ASPH: variants seen among roughly 807,000 people sequenced by gnomAD.
ASPH encodes aspartyl/asparaginyl beta-hydroxylase.
A neutral mutation model predicts 118.4 loss-of-function variants in ASPH; 100 were observed. The observed-to-expected ratio is 0.84, with a 90% CI of 0.72 to 1.00. The LOEUF (loss-of-function observed/expected upper bound fraction) is 1.00, where lower values mean the gene tolerates loss of function less well. ASPH is among the 50% of genes least tolerant of loss of function. ASPH has a pLI of 0.00. For synonymous variants in ASPH, 315 were observed against 325.6 expected, an observed-to-expected ratio of 0.97 and a Z score of 0.35; for missense variants, 920 against 919.5, an observed-to-expected ratio of 1.00 and a Z score of -0.01.
intron 13 of ASPH, chr8:61,631,869 G>T (rs10755945): frequency 0.83 from 126,809 of 152,634 alleles, 52,813 homozygotes; most frequent in African/African-American, 0.86. Context: ...GGTCATGCTC[G>T]TCAACTGAGC....
At chr8:61,654,362 G>C (rs1812579316) in intron 3 of ASPH, among the ~76,000 whole-genome samples, 1 of 152,096 alleles carries the variant, frequency 6.6e-6, no homozygotes, top group Non-Finnish European at 1.5e-5. Flanking sequence ...CATTAAAATA[G>C]GTCCTCAATT....
intron 12 of ASPH, among the ~76,000 whole-genome samples, chr8:61,634,966 C>T (rs1857109953): frequency 6.6e-6 from 1 of 152,156 alleles, no homozygotes; most frequent in African/African-American, 2.4e-5. Flanking sequence ...GATGTAATAA[C>T]ATGATTTCTA....
At chr8:61,531,044 C>T (rs941500542) in intron 21 of ASPH, among the ~76,000 whole-genome samples, 1 of 152,180 alleles carries the variant, frequency 6.6e-6, no homozygotes, top group Non-Finnish European at 1.5e-5. Flanking sequence ...AATCAGGTAT[C>T]ATTCATACTT....
At chr8:61,556,050 A>G (rs957464912) in intron 18 of ASPH, 28 bp from the exon 19 acceptor site, 5 of 1,596,430 alleles carry the variant, frequency 3.1e-6, no homozygotes, top group Non-Finnish European at 4.3e-6. Flanking sequence ...ACAGAACATA[A>G]CTCAAAGAAA....
chr8:61,699,153 T>C (rs1253170937), intron 1 of ASPH, among the ~76,000 whole-genome samples: 1 of 152,246 alleles, frequency 6.6e-6, no homozygotes, highest in Non-Finnish European at 1.5e-5. Context: ...TTGTGAGAAC[T>C]ATTCCTTCAG....
intron 13 of ASPH, 96 bp downstream of exon 13, chr8:61,633,587 T>G: frequency 8.9e-7 from 1 of 1,123,718 alleles, no homozygotes; most frequent in South Asian, 1.7e-5. Flanking sequence ...TCTCAAAATT[T>G]TTATCCTTCG....
At chr8:61,659,997 ATAACTT>A (rs949205454) in intron 3 of ASPH, 2 of 151,526 alleles carry the variant, frequency 1.3e-5, no homozygotes, top group Non-Finnish European at 2.9e-5. Flanking sequence ...ATTTTTAAAT[ATAACTT>A]CAACTTCTAT....
intron 21 of ASPH, among the ~76,000 whole-genome samples, chr8:61,529,596 A>G (rs1202473148): frequency 6.6e-6 from 1 of 152,256 alleles, no homozygotes; most frequent in Non-Finnish European, 1.5e-5. Flanking sequence ...GAATCACGTA[A>G]TATAATATTC....
At chr8:61,706,487 AAAG>A (rs1465879962) in intron 1 of ASPH, among the ~76,000 whole-genome samples, 2 of 150,988 alleles carry the variant, frequency 1.3e-5, no homozygotes, top group South Asian at 4.2e-4. Flanking sequence ...AAGAAAGAAG[AAAG>A]AAGAAAAAAG....
At chr8:61,532,841 T>C (rs898564913) in intron 21 of ASPH, among the ~76,000 whole-genome samples, 1 of 152,206 alleles carries the variant, frequency 6.6e-6, no homozygotes, top group African/African-American at 2.4e-5. Flanking sequence ...AAATTACTTA[T>C]CTCTGTGCCT....
chr8:61,684,163 A>T lies in ASPH; in HGVS notation c.129T>A (p.Asn43Lys). The change falls in exon 2 of 25, where the codon AAT (asparagine) becomes AAA (lysine). Residue 43 changes from asparagine to lysine, a missense_variant. Coordinates refer to ENST00000379454, the MANE Select transcript of ASPH (RefSeq NM_004318.4). ...TTCCTGAGAGTCCGCCTTTCCTCCC[A>T]TTCTTGTGTCCTCCATGCTTTGTCT... ...RRETKHGGHK[N>K]GRKGGLSGTS... The T allele has an allele frequency of 6.2e-7, 1 of 1,613,290 alleles. No individual in the cohort carries two copies. Among genetic ancestry groups the T allele is most frequent in the Non-Finnish European group, 8.5e-7 (1 of 1,179,546 alleles).
At chr8:61,614,645 TTTGTTGTTG>T (rs565000530) in intron 14 of ASPH, among the ~76,000 whole-genome samples, 5 of 151,778 alleles carry the variant, frequency 3.3e-5, no homozygotes, top group South Asian at 2.1e-4. Flanking sequence ...GTGTTGGGTT[TTTGTTGTTG>T]TTGTTGTTGT....
At chr8:61,505,848 T>TA (rs1273380304) in intron 24 of ASPH, among the ~76,000 whole-genome samples, 1 of 152,092 alleles carries the variant, frequency 6.6e-6, no homozygotes, top group Non-Finnish European at 1.5e-5. Flanking sequence ...GGCGGGGAAA[T>TA]ACGCTGACAA....
Position 61,500,930 on chromosome 8 carries a change from A to C in ASPH, c.*2429T>G, listed in dbSNP as rs1804775637. 2 of 152,136 alleles carry C rather than the reference A, an allele frequency of 1.3e-5. No individual in the cohort carries two copies. Among genetic ancestry groups the C allele is most frequent in the Admixed American group, 6.5e-5 (1 of 15,270 alleles). The allele number at this position is 152,136 out of a possible 1,614,324, so 9.4% of individuals were successfully genotyped here. On this transcript the variant is annotated 3_prime_UTR_variant, in exon 25 of 25. Transcript: ENST00000379454. ...CCCTGATAATATTATTACTAATCTT[A>C]ATTATTTATTACATCATCTCTTTCT...
intron 15 of ASPH, chr8:61,578,238 C>T (rs1343201257): frequency 1.3e-6 from 2 of 1,576,544 alleles, no homozygotes; most frequent in Non-Finnish European, 1.7e-6. Flanking sequence ...CAGGGTGATC[C>T]AGAAGTCCTA....
At chr8:61,665,855 C>T (rs991523351) in intron 3 of ASPH, among the ~76,000 whole-genome samples, 37 of 152,070 alleles carry the variant, frequency 2.4e-4, no homozygotes, top group African/African-American at 8.5e-4. Context: ...TATGACTTGT[C>T]TTAAAACATT....
intron 1 of ASPH, among the ~76,000 whole-genome samples, chr8:61,692,380 T>C (rs1215905439): frequency 6.6e-6 from 1 of 152,256 alleles, no homozygotes; most frequent in Non-Finnish European, 1.5e-5. Context: ...TAGTAAATCA[T>C]GTTTTTAAAA....
chr8:61,521,840 T>C (rs1232434228), intron 22 of ASPH, among the ~76,000 whole-genome samples: 2 of 152,230 alleles, frequency 1.3e-5, no homozygotes, highest in Non-Finnish European at 2.9e-5. Context: ...ATGGAACTGA[T>C]ATCCTGGGTT....
intron 14 of ASPH, among the ~76,000 whole-genome samples, chr8:61,595,160 A>G (rs1842183038): frequency 6.6e-6 from 1 of 152,232 alleles, no homozygotes; most frequent in South Asian, 2.1e-4. Context: ...TGCTATAAGA[A>G]TGAAAACCTG....
Sources: gnomAD v4.1 joint callset for allele counts (sites outside exome capture counted in the v4.1 genomes callset) on GRCh38, gnomAD v4.1.1 for gene constraint, MANE v1.5 for transcripts, NCBI Gene and HGNC (gene_info 2026-07-23, HGNC 2026-07-21) for gene names.